The following ZDHHC11B variants were observed in gnomAD, a reference collection of about 807,000 sequenced individuals.
The protein encoded by ZDHHC11B is zDHHC palmitoyltransferase 11B (putative), also known as probable palmitoyltransferase ZDHHC11B.
ZDHHC11B carries 17 observed loss-of-function variants against 42.3 expected under a neutral mutation model. The observed-to-expected ratio is 0.40, with a 90% CI of 0.27 to 0.60. The LOEUF is 0.60. Among genes scored for constraint, ZDHHC11B ranks in the 20% least tolerant of loss-of-function variants. The pLI is 0.41. For synonymous variants in ZDHHC11B, 123 were observed against 193.5 expected (o/e 0.64, Z 3.02); for missense variants, 262 against 463.2 (o/e 0.57, Z 3.99).
At chr5:771,183 C>T (rs1177736321) in intron 1 of ZDHHC11B, among the ~76,000 whole-genome samples, 1 of 151,852 alleles carries the variant, frequency 6.6e-6, no homozygotes, top group African/African-American at 2.4e-5. Flanking sequence ...ACGAAGCCCT[C>T]TCAGATCTGG....
At chr5:784,522 G>A (rs73021623) in intron 1 of ZDHHC11B, among the ~76,000 whole-genome samples, 146 bp downstream of exon 1, 2 of 149,714 alleles carry the variant, frequency 1.3e-5, no homozygotes, top group African/African-American at 4.9e-5. Context: ...GCTCAGGGAC[G>A]CGCAGGGCGG....
At chr5:727,508 A>C (rs951717067) in intron 12 of ZDHHC11B, among the ~76,000 whole-genome samples, 2 of 142,914 alleles carry the variant, frequency 1.4e-5, no homozygotes, top group Non-Finnish European at 3.1e-5. Context: ...AATTGTCAAA[A>C]CTTTTAGAAA....
intron 13 of ZDHHC11B, among the ~76,000 whole-genome samples, chr5:713,477 C>T (rs1412946753): frequency 6.6e-5 from 10 of 152,096 alleles, no homozygotes; most frequent in African/African-American, 2.4e-4. Flanking sequence ...CTGCTTCTCA[C>T]TCAGTGCTTT....
At position 749,688 on chromosome 5, in the gene ZDHHC11B, C is replaced by T. The variant is rs115127540; in HGVS notation, c.629-1129G>A. Among the ~76,000 whole-genome samples the T allele has an allele frequency of 2.2e-3, 286 of 130,216 alleles. 9 individuals are homozygous for T. Among genetic ancestry groups the T allele is most frequent in the African/African-American group, 6.6e-3 (264 of 39,748 alleles). The allele number at this position is 130,216 out of a possible 152,430, so 85.4% of individuals were successfully genotyped here. On this transcript the variant is annotated intron_variant, in intron 7 of 13. Coordinates refer to ENST00000508859, the MANE Select transcript of ZDHHC11B (RefSeq NM_001351303.2). ...CAATGAACTCACACAAAGACACTGG[C>T]ACTGCCGTGTGGAAGCAGCATGTTC... is the stretch of plus-strand genomic sequence containing the variant.
At chr5:776,628 C>A (rs1285922431) in intron 1 of ZDHHC11B, among the ~76,000 whole-genome samples, 8 of 151,882 alleles carry the variant, frequency 5.3e-5, no homozygotes, top group Admixed American at 6.6e-5. Flanking sequence ...AAGACCACAG[C>A]GACCCGAAGC....
At chr5:769,597 C>T (rs1416024181) in intron 1 of ZDHHC11B, among the ~76,000 whole-genome samples, 1 of 151,842 alleles carries the variant, frequency 6.6e-6, no homozygotes, top group African/African-American at 2.4e-5. Context: ...GCTGCACGTT[C>T]CTCACGCGAG....
At chr5:728,456 G>C (rs1215412915) in intron 12 of ZDHHC11B, among the ~76,000 whole-genome samples, 4 of 151,942 alleles carry the variant, frequency 2.6e-5, no homozygotes, top group African/African-American at 9.7e-5. Flanking sequence ...CCTAAACTTG[G>C]TCATAAACTT....
intron 12 of ZDHHC11B, among the ~76,000 whole-genome samples, chr5:724,938 G>A (rs1338127953): frequency 1.4e-5 from 2 of 146,558 alleles, no homozygotes; most frequent in East Asian, 4.2e-4. Context: ...TGCACCCCTC[G>A]CTGAGATGCA....
At chr5:763,854 G>A (rs528724757) in intron 4 of ZDHHC11B, among the ~76,000 whole-genome samples, 26 of 151,962 alleles carry the variant, frequency 1.7e-4, no homozygotes, top group East Asian at 1.2e-3. Context: ...GAAATTTCCC[G>A]ATGTCCGAGA....
chr5:770,851 A>C (rs1049579392), intron 1 of ZDHHC11B, among the ~76,000 whole-genome samples: 6 of 151,874 alleles, frequency 4.0e-5, no homozygotes, highest in African/African-American at 1.2e-4. Flanking sequence ...CCGCCCCCAG[A>C]GCAGGTGGCT....
chr5:724,114 C>G (rs1321412003), intron 12 of ZDHHC11B, among the ~76,000 whole-genome samples: 37 of 151,824 alleles, frequency 2.4e-4, no homozygotes, highest in Non-Finnish European at 2.9e-5. Context: ...GTCATCAGTG[C>G]TCCCAGCCAT....
intron 4 of ZDHHC11B, among the ~76,000 whole-genome samples, chr5:762,919 G>A (rs1416196717): frequency 6.6e-6 from 1 of 151,756 alleles, no homozygotes; most frequent in African/African-American, 2.4e-5. Flanking sequence ...GAAGACTGAT[G>A]AAGAAGAGGT....
intron 7 of ZDHHC11B, among the ~76,000 whole-genome samples, chr5:748,779 G>A (rs1411810290): frequency 7.7e-6 from 1 of 129,468 alleles, no homozygotes; most frequent in Non-Finnish European, 1.7e-5. Flanking sequence ...GATCTGGGAG[G>A]TGACGCTCCA....
chr5:765,730 C>T (rs1252307344), intron 4 of ZDHHC11B, among the ~76,000 whole-genome samples: 1 of 151,932 alleles, frequency 6.6e-6, no homozygotes, highest in Non-Finnish European at 1.5e-5. Flanking sequence ...TCTGCAGCTT[C>T]ATTCCTGAAC....
chr5:775,227 A>C (rs1168783019), intron 1 of ZDHHC11B, among the ~76,000 whole-genome samples: 1 of 151,894 alleles, frequency 6.6e-6, no homozygotes, highest in Non-Finnish European at 1.5e-5. Context: ...TGACAGCTCC[A>C]CCTGCTCTGG....
intron 6 of ZDHHC11B, among the ~76,000 whole-genome samples, 168 bp from the exon 7 acceptor site, chr5:751,425 G>A (rs1745676229): frequency 1.8e-5 from 1 of 57,050 alleles, no homozygotes; most frequent in African/African-American, 4.6e-5. Context: ...GGACAGGTGT[G>A]GGGGCGGGGA....
chr5:739,664 G>A (rs555967415), intron 10 of ZDHHC11B, among the ~76,000 whole-genome samples: 2 of 146,922 alleles, frequency 1.4e-5, no homozygotes, highest in East Asian at 4.0e-4. Flanking sequence ...TACACTGCTA[G>A]TGGGAATGTA....
intron 12 of ZDHHC11B, among the ~76,000 whole-genome samples, chr5:729,350 A>C (rs440700): frequency 7.2e-6 from 1 of 139,754 alleles, no homozygotes; most frequent in Non-Finnish European, 1.5e-5. Context: ...CAGAGGTCCT[A>C]GGCCAGGACG....
chr5:751,443 GCAGGGACACGCAGGGCATC>G (rs1745692899), intron 6 of ZDHHC11B, among the ~76,000 whole-genome samples, 186 bp from the exon 7 acceptor site: 3 of 29,900 alleles, frequency 1.0e-4, no homozygotes, highest in African/African-American at 2.5e-4. Context: ...GGAGGCAGGG[GCAGGGACACGCAGGGCATC>G]TGAGGCAGGG....
Sources: gnomAD v4.1 joint callset for allele counts (sites outside exome capture counted in the v4.1 genomes callset) on GRCh38, gnomAD v4.1.1 for gene constraint, MANE v1.5 for transcripts, NCBI Gene and HGNC (gene_info 2026-07-23, HGNC 2026-07-21) for gene names.